BRD4: variants seen among roughly 807,000 people sequenced by gnomAD.
The protein encoded by BRD4 is bromodomain-containing protein 4.
BRD4 carries 16 observed loss-of-function variants against 142.1 expected under a neutral mutation model. That is an observed-to-expected ratio of 0.11 (90% CI 0.08 to 0.17). The LOEUF is 0.17. BRD4 is among the 10% of genes least tolerant of loss of function. The pLI is 1.00. For missense variants in BRD4, 1,424 were observed against 1,810.9 expected (o/e 0.79, Z 3.88); for synonymous variants, 833 against 707.5 (o/e 1.18, Z -2.82).
intron 1 of BRD4, among the ~76,000 whole-genome samples, chr19:15,304,705 G>A (rs181772434): frequency 2.8e-4 from 42 of 152,298 alleles, no homozygotes; most frequent in Admixed American, 1.6e-3. Flanking sequence ...TGCTTACTGA[G>A]ACATGGGGCT....
intron 4 of BRD4, 100 bp from the exon 5 acceptor site, chr19:15,265,743 G>A (rs938949065): frequency 2.8e-5 from 36 of 1,292,918 alleles, no homozygotes; most frequent in South Asian, 2.3e-4. Flanking sequence ...ACGCACATTC[G>A]CGTGTTGCAT....
At chr19:15,295,179 G>A (rs1294013172) in intron 1 of BRD4, among the ~76,000 whole-genome samples, 2 of 152,168 alleles carry the variant, frequency 1.3e-5, no homozygotes, top group African/African-American at 2.4e-5. Context: ...GGGTGCCACG[G>A]TGTGTGTCTG....
chr19:15,268,817 C>CCCTG, intron 3 of BRD4, 88 bp downstream of exon 3: 2 of 1,494,934 alleles, frequency 1.3e-6, no homozygotes, highest in Admixed American at 3.6e-5. Flanking sequence ...CACCCAACAC[C>CCCTG]CCTGCCCACG....
At chr19:15,249,153 G>A (rs2145538662) in intron 11 of BRD4, 2 of 1,510,806 alleles carry the variant, frequency 1.3e-6, no homozygotes, top group Non-Finnish European at 1.8e-6. Flanking sequence ...CAGGCCCAGG[G>A]CTCTGAGGAA....
intron 1 of BRD4, among the ~76,000 whole-genome samples, chr19:15,310,380 C>CCCCCA (rs1215996476): frequency 1.5e-4 from 4 of 26,814 alleles, no homozygotes; most frequent in African/African-American, 4.7e-4. Flanking sequence ...CCCCCCCCCC[C>CCCCCA]GAAGGAGTCT....
chr19:15,323,814 G>A (rs763535895), intron 1 of BRD4, among the ~76,000 whole-genome samples: 3 of 152,082 alleles, frequency 2.0e-5, no homozygotes, highest in Admixed American at 6.5e-5. Context: ...AAGTAGGAAG[G>A]GCCTGGATAG....
Position 15,315,162 on chromosome 19 carries a change from T to C in BRD4, c.-35+17128A>G, listed in dbSNP as rs373526961. 4.7e-3 allele frequency among the ~76,000 whole-genome samples: 718 copies of C among 152,002 alleles called. 4 individuals carry two copies. Among genetic ancestry groups the C allele is most frequent in the Middle Eastern group, 0.014 (4 of 294 alleles). ...CTCTGGACTGGCTTTGTTTTTTTTT[T>C]CCCCCCACAGGTATTCAGAGCCAAT... On this transcript the variant is annotated intron_variant, in intron 1 of 19. Coordinates refer to ENST00000679869, the MANE Select transcript of BRD4 (RefSeq NM_001379291.1).
At chr19:15,292,903 C>T (rs1012765057) in intron 1 of BRD4, among the ~76,000 whole-genome samples, 7 of 150,706 alleles carry the variant, frequency 4.6e-5, no homozygotes, top group Admixed American at 4.6e-4. Flanking sequence ...GAAAGGATTG[C>T]AGCAACAGAA....
Position 15,254,213 on chromosome 19 carries a change from C to G in BRD4, c.2097G>C (p.Ser699=), listed in dbSNP as rs200566617. The G allele has an allele frequency of 1.6e-5, 26 of 1,614,094 alleles. No individual in the cohort carries two copies. Among genetic ancestry groups the G allele is most frequent in the Non-Finnish European group, 1.9e-5 (22 of 1,180,058 alleles). The change falls in exon 11 of 20, where the codon TCG becomes TCC. Residue 699 remains serine (S), a synonymous_variant. Coordinates refer to ENST00000679869, the MANE Select transcript of BRD4 (RefSeq NM_001379291.1). ...IAGSSKMKGF[S]SSESESSSES... ...CACTGGAGCTCTCCGACTCTGAGGACGAGAAGCCCTTCATCTTGGAGGAGC... is the reference window on the plus strand; with the variant it reads ...CACTGGAGCTCTCCGACTCTGAGGAGGAGAAGCCCTTCATCTTGGAGGAGC...
chr19:15,295,786 C>T (rs1308632701), intron 1 of BRD4, among the ~76,000 whole-genome samples: 4 of 152,162 alleles, frequency 2.6e-5, no homozygotes. Context: ...GCCTGGCCAA[C>T]ATAGTGAAAC....
chr19:15,278,687 T>C (rs777545957), intron 1 of BRD4, among the ~76,000 whole-genome samples: 80 of 150,896 alleles, frequency 5.3e-4, no homozygotes, highest in South Asian at 1.7e-3. Flanking sequence ...TAATAAACAA[T>C]ATTGTTGGCT....
chr19:15,293,486 A>G (rs1395129893), intron 1 of BRD4, among the ~76,000 whole-genome samples: 1 of 152,234 alleles, frequency 6.6e-6, no homozygotes, highest in Admixed American at 6.5e-5. Context: ...CCTCTTGCCA[A>G]AAGAAAAATC....
At chr19:15,293,548 G>A (rs2047800641) in intron 1 of BRD4, among the ~76,000 whole-genome samples, 1 of 152,252 alleles carries the variant, frequency 6.6e-6, no homozygotes, top group South Asian at 2.1e-4. Flanking sequence ...GCCGACTCGT[G>A]CAGGCACCAC....
intron 1 of BRD4, among the ~76,000 whole-genome samples, chr19:15,273,429 G>A (rs1412118252): frequency 6.6e-6 from 1 of 152,240 alleles, no homozygotes; most frequent in Non-Finnish European, 1.5e-5. Flanking sequence ...CATGGGGAAG[G>A]ATGTACAATG....
At chr19:15,261,207 C>A (rs953767157) in intron 7 of BRD4, among the ~76,000 whole-genome samples, 10 of 152,218 alleles carry the variant, frequency 6.6e-5, no homozygotes, top group Non-Finnish European at 1.3e-4. Flanking sequence ...AAAAGTCTGG[C>A]CGGGCACGGT....
chr19:15,293,955 G>C (rs2047803733), intron 1 of BRD4, among the ~76,000 whole-genome samples: 1 of 152,216 alleles, frequency 6.6e-6, no homozygotes, highest in African/African-American at 2.4e-5. Flanking sequence ...ATTCATCCAA[G>C]TTGTAGCATG....
rs28638395 is a variant in BRD4, at chr19:15,324,539, C to T, written c.-35+7751G>A. ...ACTCTACCAAACTTTTCCAGGGAGA[C>T]CTTACACCTTCCTGGGGACCAGAAT... is the stretch of plus-strand genomic sequence containing the variant. On this transcript the variant is annotated intron_variant, in intron 1 of 19. Transcript: ENST00000679869. Among the ~76,000 whole-genome samples, 375 of 152,312 alleles carry T rather than the reference C, an allele frequency of 2.5e-3. 1 individual carries two copies. The highest frequency in any genetic ancestry group is 8.7e-3 in the African/African-American group (363 of 41,560).
chr19:15,310,356 A>C (rs1371696904), intron 1 of BRD4, among the ~76,000 whole-genome samples: 3 of 7,854 alleles, frequency 3.8e-4, no homozygotes, highest in Non-Finnish European at 8.2e-4. Flanking sequence ...TGATTTTTGG[A>C]TTCCCCCCCC....
intron 1 of BRD4, among the ~76,000 whole-genome samples, chr19:15,315,931 G>A (rs1490739690): frequency 2.6e-5 from 4 of 151,058 alleles, no homozygotes; most frequent in East Asian, 2.0e-4. Flanking sequence ...CGAGGCGGGC[G>A]GATCACGAGG....
Sources: allele counts gnomAD v4.1 joint callset (sites outside exome capture counted in the v4.1 genomes callset), GRCh38; gene constraint gnomAD v4.1.1; transcripts MANE v1.5; gene names NCBI Gene and HGNC (gene_info 2026-07-23, HGNC 2026-07-21).